Variants in SOX6 observed in about 807,000 individuals in gnomAD.
SOX6 encodes transcription factor SOX-6.
SOX6 carries 11 observed loss-of-function variants against 97.8 expected under a neutral mutation model. The ratio of observed to expected loss-of-function variants is 0.11; its 90% confidence interval spans 0.07 to 0.19. SOX6 has a LOEUF of 0.19. Among genes scored for constraint, SOX6 ranks in the 10% least tolerant of loss-of-function variants. SOX6 has a pLI of 1.00. For missense variants in SOX6, 810 were observed against 1,039.5 expected (o/e 0.78, Z 3.04); for synonymous variants, 360 against 371.4 (o/e 0.97, Z 0.35).
chr11:16,032,304 G>A (rs549576145), intron 12 of SOX6, among the ~76,000 whole-genome samples: 87 of 152,152 alleles, frequency 5.7e-4, no homozygotes, highest in African/African-American at 2.0e-3. Flanking sequence ...GGTTTTGTTC[G>A]ATTTGTTAGT....
At chr11:15,992,350 C>T (rs539585830) in intron 13 of SOX6, among the ~76,000 whole-genome samples, 12 of 152,270 alleles carry the variant, frequency 7.9e-5, no homozygotes, top group South Asian at 4.1e-4. Context: ...ACTACAACAG[C>T]GACGTTTAAC....
At chr11:16,713,146 G>A (rs1848193851) in intron 3 of SOX6, among the ~76,000 whole-genome samples, 1 of 152,086 alleles carries the variant, frequency 6.6e-6, no homozygotes, top group Admixed American at 6.5e-5. Context: ...ACAGCACATG[G>A]CCTTATGCTA....
intron 9 of SOX6, among the ~76,000 whole-genome samples, chr11:16,059,332 A>G (rs1236139449): frequency 6.6e-6 from 1 of 152,060 alleles, no homozygotes; most frequent in African/African-American, 2.4e-5. Context: ...TTTTCTTCTT[A>G]TAATCAAAGT....
At chr11:16,004,188 A>G (rs1327566856) in intron 13 of SOX6, among the ~76,000 whole-genome samples, 2 of 151,956 alleles carry the variant, frequency 1.3e-5, no homozygotes, top group Non-Finnish European at 2.9e-5. Flanking sequence ...GTTAAAGATT[A>G]CCTAATCCAT....
chr11:16,391,688 T>C (rs1469195803), intron 1 of SOX6, among the ~76,000 whole-genome samples: 1 of 151,804 alleles, frequency 6.6e-6, no homozygotes, highest in Non-Finnish European at 1.5e-5. Context: ...AACATATAAG[T>C]GAAGATGAAA....
intron 1 of SOX6, among the ~76,000 whole-genome samples, chr11:16,385,867 A>AT (rs984328177): frequency 1.3e-5 from 2 of 152,034 alleles, no homozygotes; most frequent in African/African-American, 2.4e-5. Context: ...AAAATTTTGC[A>AT]TTTTTTTTCT....
chr11:16,423,046 A>G (rs1654183935), intron 1 of SOX6, among the ~76,000 whole-genome samples: 1 of 152,180 alleles, frequency 6.6e-6, no homozygotes, highest in African/African-American at 2.4e-5. Flanking sequence ...TATCTCACTT[A>G]GAGAAAACCC....
intron 4 of SOX6, among the ~76,000 whole-genome samples, chr11:16,567,533 C>T (rs1302148181): frequency 1.4e-5 from 2 of 138,192 alleles, no homozygotes; most frequent in African/African-American, 5.2e-5. Flanking sequence ...CATTGTTTCT[C>T]TGTATTAATG....
chr11:16,182,369 T>C (rs1361184769), intron 6 of SOX6, among the ~76,000 whole-genome samples: 3 of 151,872 alleles, frequency 2.0e-5, no homozygotes, highest in Non-Finnish European at 4.4e-5. Flanking sequence ...TAAACGATCA[T>C]GTTATTTAAC....
intron 1 of SOX6, among the ~76,000 whole-genome samples, chr11:16,417,852 T>C (rs887280415): frequency 1.3e-5 from 2 of 152,250 alleles, no homozygotes; most frequent in Non-Finnish European, 1.5e-5. Context: ...TTTGTTTATA[T>C]AATTTTAAAG....
At position 16,605,666 on chromosome 11, in the gene SOX6, G is replaced by A. The variant is rs1477787200; in HGVS notation, n.609+6415C>T. ...CGGCGAGAGAGCGGCGGAGATCCTC[G>A]ACTCCCGCCCGCCCTCAACCAGTGT... On this transcript the variant is annotated intron_variant and non_coding_transcript_variant, in intron 4 of 5. Coordinates refer to the SOX6 transcript ENST00000524520. The surrounding 1 kb of genome is among the most constrained non-coding windows in gnomAD (Gnocchi z 5.3). Among the ~76,000 whole-genome samples the A allele has an allele frequency of 6.6e-6, 1 of 151,864 alleles. No individual in the cohort carries two copies. The highest frequency in any genetic ancestry group is 2.0e-4 in the East Asian group (1 of 5,126).
At chr11:15,977,952 C>A (rs1853538408) in intron 15 of SOX6, among the ~76,000 whole-genome samples, 1 of 152,070 alleles carries the variant, frequency 6.6e-6, no homozygotes, top group Non-Finnish European at 1.5e-5. Context: ...CGTTGACTGG[C>A]CTCCCTGTAT....
chr11:16,623,139 G>A lies in SOX6; in HGVS notation n.430-10879C>T, dbSNP rs562296799. On this transcript the variant is annotated intron_variant and non_coding_transcript_variant, in intron 3 of 5. Coordinates refer to the SOX6 transcript ENST00000524520. ...AAGTTCAAGCAGTTCTCCCACCTCA[G>A]CCTCTCGGGTAGCTGGGATTACAGG... Among the ~76,000 whole-genome samples the A allele has an allele frequency of 4.6e-5, 7 of 152,034 alleles. No individual in the cohort carries two copies. In the South Asian group the frequency reaches 1.5e-3, roughly 32 times the overall value.
At chr11:16,057,138 G>A (rs78034201) in intron 9 of SOX6, among the ~76,000 whole-genome samples, 1,615 of 152,030 alleles carry the variant, frequency 0.011, 27 homozygotes, top group African/African-American at 0.037. Context: ...ATCCTTATTT[G>A]TAAATCATTC....
At chr11:16,649,583 C>T (rs149075398) in intron 3 of SOX6, among the ~76,000 whole-genome samples, 2 of 152,166 alleles carry the variant, frequency 1.3e-5, no homozygotes, top group African/African-American at 4.8e-5. Flanking sequence ...AGAGAATTTG[C>T]CACTACTAAG....
intron 12 of SOX6, among the ~76,000 whole-genome samples, chr11:16,020,525 A>C (rs1452540037): frequency 2.0e-5 from 3 of 151,948 alleles, no homozygotes; most frequent in African/African-American, 7.2e-5. Flanking sequence ...TTTTAAACTC[A>C]ATTTTCTACA....
chr11:16,015,254 T>C (rs1854850493), intron 12 of SOX6: 1 of 590,952 alleles, frequency 1.7e-6, no homozygotes, highest in Admixed American at 2.9e-5. Flanking sequence ...CCATAGTACC[T>C]GTAGGGAAAG....
chr11:16,263,753 A>AC (rs1853975453), intron 3 of SOX6, among the ~76,000 whole-genome samples: 3 of 151,456 alleles, frequency 2.0e-5, no homozygotes. Flanking sequence ...GTCAAAATGT[A>AC]TTTTTTTAAC....
chr11:16,392,294 CT>C (rs979743865), intron 1 of SOX6, among the ~76,000 whole-genome samples: 12 of 151,952 alleles, frequency 7.9e-5, no homozygotes, highest in African/African-American at 2.7e-4. Flanking sequence ...TTTTGCTCAT[CT>C]TTTTTTCAAT....
Sources: gnomAD v4.1 joint callset for allele counts (sites outside exome capture counted in the v4.1 genomes callset) on GRCh38, gnomAD v4.1.1 for gene constraint, Gnocchi (gnomAD v3.1) non-coding constraint, MANE v1.5 for transcripts, NCBI Gene and HGNC (gene_info 2026-07-23, HGNC 2026-07-21) for gene names.